The following FRMD8 variants were observed in gnomAD, a reference collection of about 807,000 sequenced individuals.
FRMD8 encodes FERM domain-containing protein 8.
In FRMD8, 37 loss-of-function variants were observed where a neutral mutation model predicts 54.2. The observed-to-expected ratio is 0.68, with a 90% CI of 0.53 to 0.90. The LOEUF (loss-of-function observed/expected upper bound fraction) is 0.90. Among genes scored for constraint, FRMD8 ranks in the 40% least tolerant of loss-of-function variants. The pLI, the probability that FRMD8 is intolerant of heterozygous loss-of-function variation, is 0.00. For synonymous variants in FRMD8, 246 were observed against 286.9 expected, an observed-to-expected ratio of 0.86 and a Z score of 1.44; for missense variants, 585 against 653.7, an observed-to-expected ratio of 0.89 and a Z score of 1.15.
chr11:65,402,254 T>G (rs974290403), intron 9 of FRMD8, among the ~76,000 whole-genome samples: 8 of 151,896 alleles, frequency 5.3e-5, no homozygotes, highest in Non-Finnish European at 1.2e-4. Context: ...CTTGGGAGAC[T>G]GAGGCACGAG....
chr11:65,396,197 C>T (rs910642600), intron 6 of FRMD8, among the ~76,000 whole-genome samples: 1 of 152,192 alleles, frequency 6.6e-6, no homozygotes, highest in Non-Finnish European at 1.5e-5. Context: ...GGTTGGGTGA[C>T]AGGACCAGGC....
At chr11:65,378,832 A>G in the FRMD8 span, 1 of 154,666 alleles carries the variant, frequency 6.5e-6, no homozygotes, top group Non-Finnish European at 1.4e-5. Context: ...CCACCCCTCT[A>G]AAGCCCAAAG....
At chr11:65,379,396 A>G in the FRMD8 span, 1 of 1,611,194 alleles carries the variant, frequency 6.2e-7, no homozygotes, top group Non-Finnish European at 8.5e-7. Flanking sequence ...CCCCCGGTGC[A>G]GCCCGCTAGG....
intron 5 of FRMD8, 76 bp downstream of exon 5, chr11:65,394,175 A>AT: frequency 6.2e-7 from 1 of 1,601,876 alleles, no homozygotes; most frequent in Admixed American, 1.7e-5. Flanking sequence ...ACCCCTGGAC[A>AT]TTCGCACCTT....
At chr11:65,392,161 T>C (rs1855858516) in intron 3 of FRMD8, among the ~76,000 whole-genome samples, 1 of 152,120 alleles carries the variant, frequency 6.6e-6, no homozygotes, top group African/African-American at 2.4e-5. Context: ...CTGTGGGGCC[T>C]CTGGGAAATC....
At chr11:65,368,613 G>A in the FRMD8 span, among the ~76,000 whole-genome samples, 2 of 152,080 alleles carry the variant, frequency 1.3e-5, no homozygotes, top group African/African-American at 2.4e-5. Context: ...GCCCAGGCTG[G>A]AGTGCAGTGG....
chr11:65,392,662 G>C (rs564552709), intron 3 of FRMD8, among the ~76,000 whole-genome samples: 3 of 152,132 alleles, frequency 2.0e-5, no homozygotes, highest in African/African-American at 7.2e-5. Flanking sequence ...TGGTCATTCT[G>C]CCAACCCCTG....
At chr11:65,407,617 G>A (rs1387716766) in intron 10 of FRMD8, among the ~76,000 whole-genome samples, 4 of 151,962 alleles carry the variant, frequency 2.6e-5, no homozygotes, top group East Asian at 3.9e-4. Flanking sequence ...ATGGCCAGGC[G>A]TGGTGGCTCA....
chr11:65,373,078 C>T, the FRMD8 span, among the ~76,000 whole-genome samples: 2 of 152,146 alleles, frequency 1.3e-5, no homozygotes, highest in African/African-American at 4.8e-5. Context: ...ATGGCAAAAC[C>T]CCGTCTCTAC....
intron 2 of FRMD8, among the ~76,000 whole-genome samples, chr11:65,387,981 A>G (rs1446461011): frequency 6.6e-6 from 1 of 152,106 alleles, no homozygotes; most frequent in Non-Finnish European, 1.5e-5. Context: ...CCTGACCAAC[A>G]TGGAGAAACC....
intron 7 of FRMD8, 44 bp downstream of exon 7, chr11:65,397,064 G>T: frequency 8.7e-7 from 1 of 1,151,810 alleles, no homozygotes. Context: ...TCCGCAGGCT[G>T]TTCTTGGGCT....
upstream of FRMD8, among the ~76,000 whole-genome samples, chr11:65,383,994 G>A (rs376920288): frequency 6.6e-5 from 10 of 152,120 alleles, no homozygotes; most frequent in Admixed American, 1.3e-4. Context: ...GACAGCAGTC[G>A]GGCTAATTGA....
chr11:65,373,181 G>A, the FRMD8 span, among the ~76,000 whole-genome samples: 2 of 152,148 alleles, frequency 1.3e-5, no homozygotes, highest in Non-Finnish European at 1.5e-5. Flanking sequence ...AAGTTGCAGT[G>A]AGCCGAGATC....
chr11:65,376,285 C>T, the FRMD8 span: 2 of 1,267,298 alleles, frequency 1.6e-6, no homozygotes, highest in Non-Finnish European at 2.2e-6. Context: ...GGGTGGGAGG[C>T]ACCTTGGTTA....
chr11:65,387,854 C>G (rs1855764606), intron 2 of FRMD8, among the ~76,000 whole-genome samples: 1 of 151,930 alleles, frequency 6.6e-6, no homozygotes, highest in Admixed American at 6.6e-5. Context: ...TTTCTTTCTC[C>G]CAAACAGCCT....
At chr11:65,397,497 G>A (rs1053756163) in intron 7 of FRMD8, among the ~76,000 whole-genome samples, 1 of 152,242 alleles carries the variant, frequency 6.6e-6, no homozygotes, top group African/African-American at 2.4e-5. Flanking sequence ...ACCAGAGGAT[G>A]GGGTGTGGCT....
At position 65,396,965 on chromosome 11, in the gene FRMD8, C is replaced by G; in HGVS notation, c.748C>G (p.Leu250Val). The change falls in exon 7 of 11, where the codon CTG becomes GTG. Residue 250 changes from leucine (L) to valine (V), a missense_variant. Transcript: ENST00000317568. ...CAGCGACGGCGGGTGCGAGGCCGCC[C>G]TGGGCACCCACTACCGCGCCTATCT... is the stretch of plus-strand genomic sequence containing the variant. Reference protein sequence around the residue: ...VSSDGGCEAALGTHYRAYLLK... With the variant: ...VSSDGGCEAAVGTHYRAYLLK... 2 of 1,509,304 alleles carry G rather than the reference C, an allele frequency of 1.3e-6. No individual in the cohort carries two copies. The highest frequency in any genetic ancestry group is 1.8e-6 in the Non-Finnish European group (2 of 1,125,906). The allele number at this position is 1,509,304 out of a possible 1,614,324, so 93.5% of individuals were successfully genotyped here. A position where few individuals can be genotyped will look rare whatever the true frequency, so the allele number is the denominator to read the frequency against.
chr11:65,376,250 G>A, the FRMD8 span: 1 of 911,344 alleles, frequency 1.1e-6, no homozygotes, highest in South Asian at 1.7e-5. Context: ...GCTCCCACAG[G>A]TGTCTGCCCA....
Position 65,404,992 on chromosome 11 carries a change from C to T in FRMD8, c.1200C>T (p.Arg400=). The change falls in exon 10 of 11, where the codon CGC becomes CGT. Residue 400 remains arginine, a synonymous_variant. Transcript: ENST00000317568. This position sits in a 1 kb window ranked among gnomAD's most constrained non-coding sequence, Gnocchi z 4.7. ...GCTCCTCACTGGCTCCTGTTCAGCG[C>T]CCCAAGCTGCGGAGGCAGGGCAGTG... ...DPSSSLAPVQ[R]PKLRRQGSVV... The T allele has an allele frequency of 6.2e-7, 1 of 1,613,336 alleles. No homozygotes were observed.
Sources: gnomAD v4.1 joint callset for allele counts (sites outside exome capture counted in the v4.1 genomes callset) on GRCh38, gnomAD v4.1.1 for gene constraint, Gnocchi (gnomAD v3.1) non-coding constraint, MANE v1.5 for transcripts, NCBI Gene and HGNC (gene_info 2026-07-23, HGNC 2026-07-21) for gene names.